The following MAP3K3 variants were observed in gnomAD, a reference collection of about 807,000 sequenced individuals.
MAP3K3 encodes MAP/ERK kinase kinase 3.
In MAP3K3, 12 loss-of-function variants were observed where a neutral mutation model predicts 80.9. The ratio of observed to expected loss-of-function variants is 0.15; its 90% confidence interval spans 0.10 to 0.24. MAP3K3 has a LOEUF of 0.24. Among genes scored for constraint, MAP3K3 ranks in the 10% least tolerant of loss-of-function variants. The pLI is 1.00. For synonymous variants in MAP3K3, 272 were observed against 307.1 expected (o/e 0.89, Z 1.19); for missense variants, 596 against 834.7 (o/e 0.71, Z 3.52).
chr17:63,654,673 A>G (rs902332091), intron 4 of MAP3K3, among the ~76,000 whole-genome samples: 8 of 152,220 alleles, frequency 5.3e-5, no homozygotes, highest in Non-Finnish European at 1.2e-4. Context: ...CAGTCCCACT[A>G]GCAACTTATG....
chr17:63,659,742 A>G (rs894345440), intron 5 of MAP3K3, among the ~76,000 whole-genome samples: 17 of 151,896 alleles, frequency 1.1e-4, no homozygotes, highest in African/African-American at 4.1e-4. Context: ...CATGTTGGCC[A>G]GACTGGTCTT....
rs1485251149 is a variant in MAP3K3, at chr17:63,687,919, G to C, written c.711-608G>C. On this transcript the variant is annotated intron_variant, in intron 8 of 15. Coordinates refer to ENST00000361733, the MANE Select transcript of MAP3K3 (RefSeq NM_002401.5). ...TACAGCACTCCAGCCCGGCAGCAGA[G>C]CGAGACTCCATCTCAAAAAAAAAAA... Among the ~76,000 whole-genome samples the C allele has an allele frequency of 2.6e-5, 4 of 151,860 alleles. No homozygotes were observed. The South Asian group carries it at 6.2e-4, about 24-fold the overall frequency.
intron 2 of MAP3K3, among the ~76,000 whole-genome samples, 157 bp downstream of exon 2, chr17:63,632,959 A>G (rs1171130832): frequency 6.6e-6 from 1 of 152,162 alleles, no homozygotes; most frequent in Non-Finnish European, 1.5e-5. Context: ...CATACCAACC[A>G]GGTATGGTTA....
rs1207522581 is a variant in MAP3K3 at position 63,681,713 on chromosome 17, T to C, written c.503-53T>C. On this transcript the variant is annotated intron_variant, in intron 6 of 15. Coordinates refer to ENST00000361733, the MANE Select transcript of MAP3K3 (RefSeq NM_002401.5). ...ATAGTTGGCCCCATGCCTGCTCCTC[T>C]TGGGCCACACACCCTGGGCTCTGTT... 37 of 1,358,298 alleles carry C rather than the reference T, an allele frequency of 2.7e-5. No homozygotes were observed. In the East Asian group the frequency reaches 9.9e-4, roughly 36 times the overall value. The allele number at this position is 1,358,298 out of a possible 1,614,324, so 84.1% of individuals were successfully genotyped here.
chr17:63,677,810 G>A (rs2143532540), intron 6 of MAP3K3, among the ~76,000 whole-genome samples: 1 of 152,300 alleles, frequency 6.6e-6, no homozygotes, highest in South Asian at 2.1e-4. Flanking sequence ...TGGGGCTACA[G>A]TGAGCTATGA....
chr17:63,681,357 A>G (rs890516464), intron 6 of MAP3K3, among the ~76,000 whole-genome samples: 1 of 152,132 alleles, frequency 6.6e-6, no homozygotes, highest in Non-Finnish European at 1.5e-5. Context: ...TGGACCCAAA[A>G]CTAAAGAGGA....
chr17:63,675,709 G>C lies in MAP3K3; in HGVS notation c.503-6057G>C, dbSNP rs562214039. Reference sequence around the variant, plus strand: ...CTCTCTGAACAGTGGAACTGCTACTGTGCTCCTTTGCTTCAGCTGGTGGCA... The same window carrying C: ...CTCTCTGAACAGTGGAACTGCTACTCTGCTCCTTTGCTTCAGCTGGTGGCA... On this transcript the variant is annotated intron_variant, in intron 6 of 15. Coordinates refer to ENST00000361733, the MANE Select transcript of MAP3K3 (RefSeq NM_002401.5). Among the ~76,000 whole-genome samples, 11 of 152,338 alleles carry C rather than the reference G, an allele frequency of 7.2e-5. No homozygotes were observed. The South Asian group carries it at 2.3e-3, about 32-fold the overall frequency.
chr17:63,657,762 A>G (rs900319073), intron 4 of MAP3K3, 32 bp from the exon 5 acceptor site: 1 of 939,676 alleles, frequency 1.1e-6, no homozygotes, highest in Non-Finnish European at 1.7e-6. Context: ...TCTGTTTTAT[A>G]TTATTTTCCT....
At chr17:63,679,678 A>ATG (rs1313301310) in intron 6 of MAP3K3, among the ~76,000 whole-genome samples, 1 of 152,084 alleles carries the variant, frequency 6.6e-6, no homozygotes, top group Non-Finnish European at 1.5e-5. Context: ...GGGTCTCACC[A>ATG]TGTTGCCCAT....
chr17:63,676,851 C>T (rs1346709248), intron 6 of MAP3K3, among the ~76,000 whole-genome samples: 1 of 152,200 alleles, frequency 6.6e-6, no homozygotes, highest in Admixed American at 6.5e-5. Context: ...GGCAGAAAAA[C>T]CAAAGGCTTC....
intron 2 of MAP3K3, among the ~76,000 whole-genome samples, chr17:63,635,840 C>G (rs567098438): frequency 6.6e-6 from 1 of 152,210 alleles, no homozygotes; most frequent in South Asian, 2.1e-4. Flanking sequence ...AGATCAAAAC[C>G]TAATTTAAAT....
chr17:63,671,063 G>T (rs1296200997), intron 6 of MAP3K3, among the ~76,000 whole-genome samples: 1 of 152,120 alleles, frequency 6.6e-6, no homozygotes, highest in Non-Finnish European at 1.5e-5. Context: ...AACTGCATTA[G>T]GCTAATGCAG....
At chr17:63,654,333 T>TTTTTTTTTTTTTTTTTGAGAC (rs1299210909) in intron 4 of MAP3K3, among the ~76,000 whole-genome samples, 8 of 150,548 alleles carry the variant, frequency 5.3e-5, no homozygotes, top group African/African-American at 1.7e-4. Flanking sequence ...TGACCTTTTT[T>TTTTTTTTTTTTTTTTTGAGAC]GTCTGGCTTC....
At chr17:63,648,245 C>T (rs1384626165) in intron 3 of MAP3K3, among the ~76,000 whole-genome samples, 1 of 152,182 alleles carries the variant, frequency 6.6e-6, no homozygotes, top group Non-Finnish European at 1.5e-5. Context: ...TTTTGAATGG[C>T]TCATTGCTAG....
At chr17:63,666,515 G>T (rs1170060385) in intron 5 of MAP3K3, among the ~76,000 whole-genome samples, 1 of 152,108 alleles carries the variant, frequency 6.6e-6, no homozygotes, top group Non-Finnish European at 1.5e-5. Flanking sequence ...CCAGAATTTT[G>T]TTGGGGAGGG....
intron 6 of MAP3K3, among the ~76,000 whole-genome samples, chr17:63,677,681 T>C (rs976523232): frequency 2.6e-5 from 4 of 152,172 alleles, no homozygotes; most frequent in African/African-American, 9.7e-5. Context: ...CAAATGACCA[T>C]GGAGAAAACA....
intron 7 of MAP3K3, among the ~76,000 whole-genome samples, chr17:63,685,252 C>G (rs969002141): frequency 2.0e-5 from 3 of 152,234 alleles, no homozygotes; most frequent in Non-Finnish European, 4.4e-5. Flanking sequence ...AACATGCCAA[C>G]AAGAAAAGCA....
At chr17:63,679,300 G>A (rs1205594654) in intron 6 of MAP3K3, among the ~76,000 whole-genome samples, 1 of 152,104 alleles carries the variant, frequency 6.6e-6, no homozygotes, top group Non-Finnish European at 1.5e-5. Flanking sequence ...CTTTGAAATA[G>A]TGGGAGTCTC....
intron 6 of MAP3K3, among the ~76,000 whole-genome samples, chr17:63,670,717 G>A (rs929358137): frequency 1.3e-5 from 2 of 152,130 alleles, no homozygotes; most frequent in East Asian, 1.9e-4. Flanking sequence ...AGGCAAAAGG[G>A]ATGCAAGGAA....
Sources: allele counts gnomAD v4.1 joint callset (sites outside exome capture counted in the v4.1 genomes callset), GRCh38; gene constraint gnomAD v4.1.1; transcripts MANE v1.5; gene names NCBI Gene and HGNC (gene_info 2026-07-23, HGNC 2026-07-21).